Variants in PDIK1L observed in about 807,000 individuals in gnomAD.
PDIK1L encodes the protein serine/threonine-protein kinase PDIK1L.
In PDIK1L, 9 loss-of-function variants were observed where a neutral mutation model predicts 27.1. That is an observed-to-expected ratio of 0.33 (90% CI 0.20 to 0.58). The LOEUF is 0.58. PDIK1L is among the 20% of genes least tolerant of loss of function. PDIK1L has a pLI of 0.86. For missense variants in PDIK1L, 216 were observed against 413.2 expected, an observed-to-expected ratio of 0.52 and a Z score of 4.14; for synonymous variants, 130 against 141.7, an observed-to-expected ratio of 0.92 and a Z score of 0.59.
rs1338380820 is a variant in PDIK1L at position 26,114,658 on chromosome 1, T to C, written c.285+65T>C. 1.9e-6 allele frequency: 3 copies of C among 1,550,226 alleles called. No homozygotes were observed. The African/African-American group carries it at 4.1e-5, about 21-fold the overall frequency. On this transcript the variant is annotated intron_variant, in intron 2 of 2. Coordinates refer to ENST00000374269, the MANE Select transcript of PDIK1L (RefSeq NM_152835.5). The surrounding 1 kb of genome is among the most constrained non-coding windows in gnomAD (Gnocchi z 4.8). ...TGGCATTGGCCAGCAAGAAGAGGAATGAAAGGGTCAGACGAACGTTTCCCT... is the reference window on the plus strand; with the variant it reads ...TGGCATTGGCCAGCAAGAAGAGGAACGAAAGGGTCAGACGAACGTTTCCCT...
upstream of PDIK1L, chr1:26,111,521 G>T (rs2087792679): frequency 6.6e-6 from 1 of 151,216 alleles, no homozygotes; most frequent in African/African-American, 2.4e-5. This position sits in a 1 kb window ranked among gnomAD's most constrained non-coding sequence, Gnocchi z 4.0. Context: ...GGGGCCGCGG[G>T]CCCTGAGCGC....
At position 26,120,824 on chromosome 1, in the gene PDIK1L, C is replaced by T. The variant is rs564462530; in HGVS notation, c.286-1013C>T. Among the ~76,000 whole-genome samples the T allele has an allele frequency of 1.8e-4, 27 of 151,956 alleles. No homozygotes were observed. The East Asian group carries it at 3.3e-3, about 19-fold the overall frequency. ...AAAGTTAGCTGGGCGTGGTGGCACG[C>T]GCCTGTAGTCTCGGCTACTTGGGAG... On this transcript the variant is annotated intron_variant, in intron 2 of 2. Coordinates refer to ENST00000374269, the MANE Select transcript of PDIK1L (RefSeq NM_152835.5).
upstream of PDIK1L, chr1:26,111,425 G>C (rs2087790702): frequency 6.6e-6 from 1 of 152,124 alleles, no homozygotes; most frequent in Non-Finnish European, 1.5e-5. The surrounding 1 kb of genome is among the most constrained non-coding windows in gnomAD (Gnocchi z 4.0). Context: ...AGCTCGGTAG[G>C]TCGGAAGGGG....
intron 1 of PDIK1L, among the ~76,000 whole-genome samples, chr1:26,112,165 T>G (rs1478723121): frequency 6.6e-6 from 1 of 152,078 alleles, no homozygotes; most frequent in Non-Finnish European, 1.5e-5. Context: ...GCGAAGGGGC[T>G]CAGGAGGCTC....
intron 2 of PDIK1L, among the ~76,000 whole-genome samples, chr1:26,115,156 T>C (rs906619356): frequency 6.6e-6 from 1 of 152,244 alleles, no homozygotes; most frequent in Admixed American, 6.5e-5. Context: ...CGATGCTCTG[T>C]GCTGAGTGCT....
Position 26,114,540 on chromosome 1 carries a change from G to T in PDIK1L, c.232G>T (p.Asp78Tyr). ...CTTGGAGGAATGCATCCTACAAAAGGATGGGATGGTGCAAAAGATGTCCCA... is the reference window on the plus strand; with the variant it reads ...CTTGGAGGAATGCATCCTACAAAAGTATGGGATGGTGCAAAAGATGTCCCA... Reference protein sequence around the residue: ...IHLEECILQKDGMVQKMSHGS... With the variant: ...IHLEECILQKYGMVQKMSHGS... Residue 78 changes from aspartate to tyrosine, a missense_variant, in exon 2 of 3, where the codon GAT becomes TAT. Coordinates refer to ENST00000374269, the MANE Select transcript of PDIK1L (RefSeq NM_152835.5). The surrounding 1 kb of genome is among the most constrained non-coding windows in gnomAD (Gnocchi z 4.8). 6.2e-7 allele frequency: 1 copy of T among 1,614,112 alleles called. No individual in the cohort carries two copies. Among genetic ancestry groups the T allele is most frequent in the Non-Finnish European group, 8.5e-7 (1 of 1,180,004 alleles).
intron 2 of PDIK1L, among the ~76,000 whole-genome samples, chr1:26,120,181 A>G (rs1177618805): frequency 6.6e-6 from 1 of 152,194 alleles, no homozygotes; most frequent in Non-Finnish European, 1.5e-5. Context: ...GTAAAAAAGA[A>G]AGGAAGAAGT....
chr1:26,113,955 A>G (rs867180695), intron 1 of PDIK1L, among the ~76,000 whole-genome samples: 44 of 152,226 alleles, frequency 2.9e-4, no homozygotes, highest in Non-Finnish European at 1.2e-4. Flanking sequence ...TCCCAGGTCC[A>G]CCAGTTACTA....
At chr1:26,120,119 A>G (rs910460811) in intron 2 of PDIK1L, among the ~76,000 whole-genome samples, 1 of 152,160 alleles carries the variant, frequency 6.6e-6, no homozygotes, top group African/African-American at 2.4e-5. Context: ...CTGTTTTCGT[A>G]TGGTTTCGAT....
Position 26,125,188 on chromosome 1 carries a change from A to T in PDIK1L, c.*2611A>T, listed in dbSNP as rs1356642161. The T allele has an allele frequency of 1.3e-5, 2 of 152,624 alleles. No individual in the cohort carries two copies. 9.5% of individuals were successfully genotyped at this position (152,624 alleles called of 1,614,324 possible). ...TCACTTAGAAAGATGGGGTTCCTGT[A>T]GATTTTTTGGTGCTAAGGGATACTT... On this transcript the variant is annotated 3_prime_UTR_variant, in exon 3 of 3. Transcript: ENST00000374269.
rs760829248 is a variant in PDIK1L at position 26,122,097 on chromosome 1, G to A, written c.546G>A (p.Leu182=). ...AAACCAGGTTGGATACCAGTGACTT[G>A]GAACCTACCCTCAAAGTGGCTGATT... is the stretch of plus-strand genomic sequence containing the variant. ...ISQTRLDTSD[L]EPTLKVADFG... The change falls in exon 3 of 3, where the codon TTG becomes TTA. Residue 182 remains leucine (L), a synonymous_variant. Coordinates refer to ENST00000374269, the MANE Select transcript of PDIK1L (RefSeq NM_152835.5). The surrounding 1 kb of genome is among the most constrained non-coding windows in gnomAD (Gnocchi z 5.4). 1.2e-5 allele frequency: 20 copies of A among 1,613,698 alleles called. No individual in the cohort carries two copies. Among genetic ancestry groups the A allele is most frequent in the Non-Finnish European group, 1.5e-5 (18 of 1,179,988 alleles).
chr1:26,113,116 A>C (rs1205283824), intron 1 of PDIK1L, among the ~76,000 whole-genome samples: 2 of 152,244 alleles, frequency 1.3e-5, no homozygotes, highest in Non-Finnish European at 2.9e-5. Context: ...GAAACATAAA[A>C]ATTTTAAAAT....
chr1:26,120,239 A>C (rs1360307744), intron 2 of PDIK1L, among the ~76,000 whole-genome samples: 1 of 152,198 alleles, frequency 6.6e-6, no homozygotes, highest in African/African-American at 2.4e-5. Context: ...AATATTTACT[A>C]TCTGGCCTTA....
chr1:26,116,713 T>G (rs1334375498), intron 2 of PDIK1L, among the ~76,000 whole-genome samples: 1 of 152,148 alleles, frequency 6.6e-6, no homozygotes, highest in Admixed American at 6.5e-5. Flanking sequence ...AAGTTTTTTG[T>G]TTTTTGTTTT....
chr1:26,122,402 T>A lies in PDIK1L; in HGVS notation c.851T>A (p.Leu284Gln). Reference protein sequence around the residue: ...TEIVPVGEALLENPKMELLIP... With the variant: ...TEIVPVGEALQENPKMELLIP... ...ATTGTGCCTGTTGGGGAGGCACTTCTGGAAAATCCCAAAATGGAACTTCTC... is the reference window on the plus strand; with the variant it reads ...ATTGTGCCTGTTGGGGAGGCACTTCAGGAAAATCCCAAAATGGAACTTCTC... The change falls in exon 3 of 3, where the codon CTG (leucine) becomes CAG (glutamine). Residue 284 changes from leucine (L) to glutamine (Q), a missense_variant. Physicochemically the swap from Leu to Gln is moderately radical, Grantham distance 113. Transcript: ENST00000374269. This position sits in a 1 kb window ranked among gnomAD's most constrained non-coding sequence, Gnocchi z 5.4. The A allele has an allele frequency of 6.2e-7, 1 of 1,614,162 alleles. No individual in the cohort carries two copies. Among genetic ancestry groups the A allele is most frequent in the Non-Finnish European group, 8.5e-7 (1 of 1,180,014 alleles).
chr1:26,122,359 G>A lies in PDIK1L; in HGVS notation c.808G>A (p.Val270Ile), dbSNP rs1031632874. ...AAAGAAGGAACTCTTGGGGAGTTAT[G>A]TAAAACAAGGAACTGAGATTGTGCC... ...ETKKELLGSY[V>I]KQGTEIVPVG... The change falls in exon 3 of 3, where the codon GTA becomes ATA. Residue 270 changes from valine (V) to isoleucine (I), a missense_variant. By Grantham distance (29) the Val-to-Ile change is conservative (BLOSUM62 3). This residue lies in a region of PDIK1L where 169 missense variants were observed against 366.0 expected (regional missense o/e 0.46). Transcript: ENST00000374269. This position sits in a 1 kb window ranked among gnomAD's most constrained non-coding sequence, Gnocchi z 5.4. The A allele has an allele frequency of 1.2e-6, 2 of 1,614,150 alleles. No homozygotes were observed. The highest frequency in any genetic ancestry group is 8.5e-7 in the Non-Finnish European group (1 of 1,179,996).
Position 26,125,270 on chromosome 1 carries a change from T to C in PDIK1L, c.*2693T>C, listed in dbSNP as rs943514685. ...AGATAAATAGCACACAGAATAGTTC[T>C]TTCTGCTGGTCTGTTTTTTCTCTTC... On this transcript the variant is annotated 3_prime_UTR_variant, in exon 3 of 3. Coordinates refer to ENST00000374269, the MANE Select transcript of PDIK1L (RefSeq NM_152835.5). The C allele has an allele frequency of 2.6e-5, 4 of 152,626 alleles. No homozygotes were observed. The highest frequency in any genetic ancestry group is 5.9e-5 in the Non-Finnish European group (4 of 68,012). 9.5% of individuals were successfully genotyped at this position (152,626 alleles called of 1,614,324 possible). A position where few individuals can be genotyped will look rare whatever the true frequency, so the allele number is the denominator to read the frequency against.
Position 26,114,403 on chromosome 1 carries a change from C to T in PDIK1L, c.95C>T (p.Ala32Val), listed in dbSNP as rs1330837641. ...VYEAVIRKTS[A>V]RVAVKKIRCH... ...GAAGCAGTCATCAGAAAGACCTCTG[C>T]ACGGGTGGCAGTGAAGAAAATTCGA... The change falls in exon 2 of 3, where the codon GCA (alanine) becomes GTA (valine). Residue 32 changes from alanine to valine, a missense_variant. Coordinates refer to ENST00000374269, the MANE Select transcript of PDIK1L (RefSeq NM_152835.5). This position sits in a 1 kb window ranked among gnomAD's most constrained non-coding sequence, Gnocchi z 4.8. 6.2e-7 allele frequency: 1 copy of T among 1,614,060 alleles called. No individual in the cohort carries two copies. Among genetic ancestry groups the T allele is most frequent in the Non-Finnish European group, 8.5e-7 (1 of 1,180,006 alleles).
chr1:26,119,635 C>T (rs945171690), intron 2 of PDIK1L, among the ~76,000 whole-genome samples: 1 of 152,020 alleles, frequency 6.6e-6, no homozygotes, highest in Non-Finnish European at 1.5e-5. Flanking sequence ...GGCCGAGAGG[C>T]GGATCACAAG....
Sources: allele counts gnomAD v4.1 joint callset (sites outside exome capture counted in the v4.1 genomes callset), GRCh38; gene constraint gnomAD v4.1.1; regional missense constraint gnomAD v4.1.1; non-coding constraint Gnocchi (gnomAD v3.1); transcripts MANE v1.5; gene names NCBI Gene and HGNC (gene_info 2026-07-23, HGNC 2026-07-21).